Variants in ANK2 observed in about 807,000 individuals in gnomAD.
ANK2 encodes ankyrin 2.
ANK2 carries 83 observed loss-of-function variants against 360.5 expected under a neutral mutation model. The observed-to-expected ratio is 0.23, with a 90% CI of 0.19 to 0.28. ANK2 has a LOEUF of 0.28. ANK2 is among the 10% of genes least tolerant of loss of function. The pLI, the probability that ANK2 is intolerant of heterozygous loss-of-function variation, is 1.00. For missense variants in ANK2, 4,201 were observed against 4,795.7 expected (o/e 0.88, Z 3.66); for synonymous variants, 1,740 against 1,759.5 (o/e 0.99, Z 0.28).
intron 1 of ANK2, among the ~76,000 whole-genome samples, chr4:113,159,080 G>C (rs1055004998): frequency 2.6e-5 from 4 of 151,882 alleles, no homozygotes; most frequent in African/African-American, 9.7e-5. Flanking sequence ...CACTGAATTA[G>C]GTTTTGGGTA....
At chr4:113,145,524 AAAAAC>A in intron 1 of ANK2, 1 of 937,468 alleles carries the variant, frequency 1.1e-6, no homozygotes, top group Non-Finnish European at 1.3e-6. Flanking sequence ...TTGCATGGTG[AAAAAC>A]AAAACAACAC....
At chr4:112,781,972 G>A in the ANK2 span, among the ~76,000 whole-genome samples, 1 of 151,732 alleles carries the variant, frequency 6.6e-6, no homozygotes, top group Non-Finnish European at 1.5e-5. Flanking sequence ...TGGGACAACA[G>A]TTGCATACCA....
At chr4:113,242,261 T>TC in intron 9 of ANK2, 52 bp downstream of exon 9, 3 of 1,518,340 alleles carry the variant, frequency 2.0e-6, no homozygotes, top group Non-Finnish European at 2.7e-6. Flanking sequence ...CTTTCAAGCC[T>TC]CATAGAAGGC....
chr4:112,901,663 C>T (rs2083405483), intron 1 of ANK2, among the ~76,000 whole-genome samples: 1 of 151,990 alleles, frequency 6.6e-6, no homozygotes, highest in African/African-American at 2.4e-5. Context: ...GAGTTCGAGA[C>T]CAGCCTGACC....
rs559866063 is a variant in ANK2 at position 113,126,301 on chromosome 4, C to T, written c.85-48115C>T. Among the ~76,000 whole-genome samples, 22 of 152,294 alleles carry T rather than the reference C, an allele frequency of 1.4e-4. No homozygotes were observed. In the South Asian group the frequency reaches 2.1e-3, roughly 14 times the overall value. ...GTAATAAACAAAAGTCCACAGTAAACGCTTAAACCTCAGCAATTCACAAAC... is the reference window on the plus strand; with the variant it reads ...GTAATAAACAAAAGTCCACAGTAAATGCTTAAACCTCAGCAATTCACAAAC... On this transcript the variant is annotated intron_variant, in intron 1 of 45. Transcript: ENST00000357077.
At chr4:113,352,539 C>T (rs1178174105) in intron 37 of ANK2, among the ~76,000 whole-genome samples, 2 of 152,160 alleles carry the variant, frequency 1.3e-5, no homozygotes, top group African/African-American at 4.8e-5. Flanking sequence ...AATGTATATA[C>T]ATCATTAGAT....
At chr4:112,967,476 C>T (rs372487453) in intron 2 of ANK2, among the ~76,000 whole-genome samples, 2 of 151,962 alleles carry the variant, frequency 1.3e-5, no homozygotes, top group East Asian at 3.8e-4. Flanking sequence ...TTCCATTGTT[C>T]GATAATCAAA....
chr4:112,911,437 G>T (rs746501898), intron 2 of ANK2, among the ~76,000 whole-genome samples: 2 of 151,714 alleles, frequency 1.3e-5, no homozygotes, highest in African/African-American at 4.8e-5. Context: ...GCAGGAGAAT[G>T]GCGTGAACCT....
At chr4:113,080,918 C>T (rs1393448208) in intron 1 of ANK2, among the ~76,000 whole-genome samples, 1 of 152,018 alleles carries the variant, frequency 6.6e-6, no homozygotes, top group Non-Finnish European at 1.5e-5. Flanking sequence ...ACAGGAAAGC[C>T]CATTAGGGAC....
chr4:113,010,708 T>C (rs1320653136), intron 2 of ANK2, among the ~76,000 whole-genome samples: 1 of 152,038 alleles, frequency 6.6e-6, no homozygotes, highest in Non-Finnish European at 1.5e-5. Flanking sequence ...TTCAGGAGAT[T>C]TATAAATCCA....
chr4:112,791,579 C>G, the ANK2 span, among the ~76,000 whole-genome samples: 1 of 150,770 alleles, frequency 6.6e-6, no homozygotes, highest in Non-Finnish European at 1.5e-5. Context: ...AGCTCCGCCT[C>G]CCGGGTTCAC....
At position 113,383,323 on chromosome 4, in the gene ANK2, T is replaced by C. The variant is rs916119364; in HGVS notation, c.*1852T>C. The C allele has an allele frequency of 6.6e-6, 1 of 152,578 alleles. No individual in the cohort carries two copies. The highest frequency in any genetic ancestry group is 1.5e-5 in the Non-Finnish European group (1 of 68,022). The allele number at this position is 152,578 out of a possible 1,614,324, so 9.5% of individuals were successfully genotyped here. ...CCTAAGCCTCAAATGCTAGCACTTTTTGGCAGTTGGATAGGAAATGAGACA... is the reference window on the plus strand; with the variant it reads ...CCTAAGCCTCAAATGCTAGCACTTTCTGGCAGTTGGATAGGAAATGAGACA... On this transcript the variant is annotated 3_prime_UTR_variant, in exon 46 of 46. Coordinates refer to ENST00000357077, the MANE Select transcript of ANK2 (RefSeq NM_001148.6).
rs55726422 is a variant in ANK2, at chr4:113,358,980, G to C, written c.10362G>C (p.Arg3454Ser). The change falls in exon 38 of 46, where the codon AGG (arginine) becomes AGC (serine). Residue 3454 changes from arginine (R) to serine (S), a missense_variant. Transcript: ENST00000357077. The stretch of plus-strand genomic sequence containing the variant: ...GCAGAAGCACTACATCTTCCTGCAG[G>C]GGGGGCACGAGCCCCACAAAAGAAA... ...VKSRSTTSSCRGGTSPTKESK... is the reference protein window; with the variant it reads ...VKSRSTTSSCSGGTSPTKESK... The C allele has an allele frequency of 6.8e-5, 109 of 1,614,070 alleles. No individual in the cohort carries two copies. The highest frequency in any genetic ancestry group is 4.0e-4 in the South Asian group (36 of 91,086).
chr4:112,863,553 C>T (rs1268292250), intron 1 of ANK2, among the ~76,000 whole-genome samples: 8 of 117,952 alleles, frequency 6.8e-5, no homozygotes, highest in East Asian at 5.5e-4. Context: ...GACGGAGTCT[C>T]GCTCTGTCAC....
chr4:113,212,177 G>A (rs539160950), intron 4 of ANK2, among the ~76,000 whole-genome samples: 1 of 152,200 alleles, frequency 6.6e-6, no homozygotes, highest in South Asian at 2.1e-4. Context: ...CCCAAACTTT[G>A]ATTAATTACA....
chr4:113,113,330 A>G (rs1295609352), intron 1 of ANK2, among the ~76,000 whole-genome samples: 1 of 152,164 alleles, frequency 6.6e-6, no homozygotes, highest in Non-Finnish European at 1.5e-5. Flanking sequence ...GGGCAGGGCT[A>G]GGGAAAGTGA....
the ANK2 span, among the ~76,000 whole-genome samples, chr4:112,737,233 A>C: frequency 6.6e-6 from 1 of 152,224 alleles, no homozygotes; most frequent in Admixed American, 6.5e-5. Flanking sequence ...GTTATTTTTC[A>C]TAACTAAAAG....
chr4:112,936,349 CTT>C (rs569695925), intron 2 of ANK2, among the ~76,000 whole-genome samples: 21 of 143,754 alleles, frequency 1.5e-4, no homozygotes, highest in Non-Finnish European at 1.8e-4. Flanking sequence ...AATCATTATC[CTT>C]TTTTTTTTTT....
At chr4:112,784,769 C>A in the ANK2 span, among the ~76,000 whole-genome samples, 13 of 152,278 alleles carry the variant, frequency 8.5e-5, no homozygotes, top group East Asian at 2.5e-3. Flanking sequence ...AAATGCAGAG[C>A]AAATCATCTT....
Sources: allele counts gnomAD v4.1 joint callset (sites outside exome capture counted in the v4.1 genomes callset), GRCh38; gene constraint gnomAD v4.1.1; transcripts MANE v1.5; gene names NCBI Gene and HGNC (gene_info 2026-07-23, HGNC 2026-07-21).